Variants in PNPLA1 observed in about 807,000 individuals in gnomAD.
The protein encoded by PNPLA1 is omega-hydroxyceramide transacylase.
Under a neutral mutation model 51.7 loss-of-function variants are expected in PNPLA1, and 36 were observed. The ratio of observed to expected loss-of-function variants is 0.70; its 90% CI spans 0.53 to 0.92. The LOEUF (loss-of-function observed/expected upper bound fraction) is 0.92. Among genes scored for constraint, PNPLA1 ranks in the 40% least tolerant of loss-of-function variants. The pLI is 0.00. For missense variants in PNPLA1, 658 were observed against 682.5 expected (o/e 0.96, Z 0.40); for synonymous variants, 293 against 280.1 (o/e 1.05, Z -0.46).
chr6:36,249,797 C>T (rs1045997026), intron 1 of PNPLA1, among the ~76,000 whole-genome samples: 3 of 152,190 alleles, frequency 2.0e-5, no homozygotes, highest in African/African-American at 7.2e-5. Flanking sequence ...TGCTTAACTA[C>T]TCTGAGATCC....
At chr6:36,310,344 G>A (rs1045677807) in intron 8 of PNPLA1, among the ~76,000 whole-genome samples, 1 of 152,150 alleles carries the variant, frequency 6.6e-6, no homozygotes, top group African/African-American at 2.4e-5. Context: ...TCCAGTAAGG[G>A]TTCCGTGGTC....
intron 1 of PNPLA1, among the ~76,000 whole-genome samples, chr6:36,282,151 G>GAA: frequency 7.7e-6 from 1 of 129,252 alleles, no homozygotes; most frequent in African/African-American, 2.9e-5. Context: ...GAGAGACAGA[G>GAA]AGAGAGAGAA....
chr6:36,272,962 T>C (rs1769966735), intron 1 of PNPLA1, among the ~76,000 whole-genome samples: 1 of 152,038 alleles, frequency 6.6e-6, no homozygotes, highest in South Asian at 2.1e-4. Flanking sequence ...AGAGTAAAAG[T>C]AGAAAATAGA....
intron 6 of PNPLA1, among the ~76,000 whole-genome samples, chr6:36,302,810 C>G (rs1771109062): frequency 6.6e-6 from 1 of 152,136 alleles, no homozygotes. Flanking sequence ...TTTTTACAAG[C>G]CCTCCAGGTG....
upstream of PNPLA1, among the ~76,000 whole-genome samples, chr6:36,269,068 C>T (rs1769832170): frequency 1.3e-5 from 2 of 152,244 alleles, no homozygotes; most frequent in Non-Finnish European, 2.9e-5. Flanking sequence ...AGACAGAAAA[C>T]TCCCTCCTAA....
chr6:36,247,921 C>CTA (rs1244644069), intron 1 of PNPLA1, among the ~76,000 whole-genome samples: 1 of 152,136 alleles, frequency 6.6e-6, no homozygotes, highest in East Asian at 1.9e-4. Flanking sequence ...CAGGAATGAC[C>CTA]TAACCACTTA....
chr6:36,295,508 T>C, intron 5 of PNPLA1, 84 bp downstream of exon 5: 1 of 1,411,486 alleles, frequency 7.1e-7, no homozygotes, highest in South Asian at 1.2e-5. Context: ...TGGAGGGGTA[T>C]TCCCCCCAGA....
rs192213100 is a variant in PNPLA1, at chr6:36,309,017, C to A, written c.1595+1305C>A. ...TTCAAGTCTTTGTTGGTCAGAAAAA[C>A]CTCTAATCATTCTGAGCAACATCCT... On this transcript the variant is annotated intron_variant, in intron 8 of 8. Coordinates refer to ENST00000636260, the MANE Select transcript of PNPLA1 (RefSeq NM_001374623.1). 4.9e-3 allele frequency among the ~76,000 whole-genome samples: 753 copies of A among 152,284 alleles called. 4 individuals are homozygous for A. The highest frequency in any genetic ancestry group is 7.7e-3 in the Non-Finnish European group (527 of 68,032).
chr6:36,275,740 T>C (rs1397004146), intron 1 of PNPLA1, among the ~76,000 whole-genome samples: 1 of 152,210 alleles, frequency 6.6e-6, no homozygotes, highest in Non-Finnish European at 1.5e-5. Flanking sequence ...GCCTCCATTA[T>C]GTTTGGCCCT....
In PNPLA1 at chr6:36,270,580, C is replaced by T. The variant is rs975722641; in HGVS notation, c.121C>T (p.Arg41Trp). Residue 41 changes from arginine (R) to tryptophan (W), a missense_variant, in exon 1 of 9, where the codon CGG becomes TGG. Arg to Trp is a moderately radical substitution (Grantham distance 101). Coordinates refer to ENST00000636260, the MANE Select transcript of PNPLA1 (RefSeq NM_001374623.1). ...AVDALRDLAP[R>W]MLETAHRFAG... is the part of the protein sequence containing the mutation. ...GGACGCCCTGCGGGACCTGGCCCCC[C>T]GGATGCTGGAAACAGCCCACCGCTT... 19 of 1,551,486 alleles carry T rather than the reference C, an allele frequency of 1.2e-5. No homozygotes were observed. The highest frequency in any genetic ancestry group is 4.1e-5 in the African/African-American group (3 of 73,056).
chr6:36,312,249 G>A lies in PNPLA1; in HGVS notation c.*363G>A, dbSNP rs1021291585. The A allele has an allele frequency of 6.6e-6, 1 of 152,090 alleles. No homozygotes were observed. The highest frequency in any genetic ancestry group is 2.4e-5 in the African/African-American group (1 of 41,402). The allele number at this position is 152,090 out of a possible 1,614,324, so 9.4% of individuals were successfully genotyped here. A position where few individuals can be genotyped will look rare whatever the true frequency, so the allele number is the denominator to read the frequency against. On this transcript the variant is annotated 3_prime_UTR_variant, in exon 9 of 9. Transcript: ENST00000636260. Reference sequence around the variant, plus strand: ...CTGCACAACTGTACTCAGCCATCCGGAGACCACTTCAGCCCCATCCCCTTC... The same window carrying A: ...CTGCACAACTGTACTCAGCCATCCGAAGACCACTTCAGCCCCATCCCCTTC...
intron 5 of PNPLA1, among the ~76,000 whole-genome samples, chr6:36,297,982 AC>A (rs1239929503): frequency 6.8e-6 from 1 of 147,830 alleles, no homozygotes; most frequent in Non-Finnish European, 1.5e-5. Context: ...ACCTTCCCTC[AC>A]CCCCCGCCAT....
intron 5 of PNPLA1, among the ~76,000 whole-genome samples, chr6:36,301,149 C>T (rs1387259286): frequency 9.2e-6 from 1 of 108,162 alleles, no homozygotes; most frequent in Non-Finnish European, 1.7e-5. Flanking sequence ...GAGACAGGTT[C>T]TCACTCTGTC....
chr6:36,276,537 G>A (rs1004524923), intron 1 of PNPLA1, among the ~76,000 whole-genome samples: 4 of 152,134 alleles, frequency 2.6e-5, no homozygotes, highest in Non-Finnish European at 5.9e-5. Context: ...TGCCACTGGG[G>A]GATCCAGAAT....
chr6:36,248,688 T>G (rs1769357410), intron 1 of PNPLA1, among the ~76,000 whole-genome samples: 1 of 152,112 alleles, frequency 6.6e-6, no homozygotes, highest in Non-Finnish European at 1.5e-5. Flanking sequence ...CCAGCTAATT[T>G]TTGTACTTTT....
chr6:36,302,552 G>C (rs574510191), intron 6 of PNPLA1, 83 bp downstream of exon 6: 12 of 1,487,366 alleles, frequency 8.1e-6, no homozygotes, highest in Non-Finnish European at 9.8e-6. Context: ...GCTGATAACC[G>C]CTTCTTTAGG....
At chr6:36,311,261 G>A (rs1228794731) in intron 8 of PNPLA1, among the ~76,000 whole-genome samples, 3 of 152,230 alleles carry the variant, frequency 2.0e-5, no homozygotes, top group Non-Finnish European at 1.5e-5. Flanking sequence ...GGGATCTCAG[G>A]GAACCTGGTG....
intron 6 of PNPLA1, among the ~76,000 whole-genome samples, chr6:36,303,788 T>C (rs1236938727): frequency 6.6e-6 from 1 of 152,200 alleles, no homozygotes; most frequent in Admixed American, 6.5e-5. Flanking sequence ...GCCAAGATTG[T>C]GCCATTGCAC....
Position 36,302,057 on chromosome 6 carries a change from T to C in PNPLA1, c.972T>C (p.His324=). ...WVPKGDGRGS[H]GPPVSQPVQT... is the part of the protein sequence containing the mutation. ...CCAAAGGGGATGGAAGGGGCAGCCA[T>C]GGTCCGCCTGTGTCCCAACCTGTGC... The change falls in exon 6 of 9, where the codon CAT becomes CAC. Residue 324 remains histidine, a synonymous_variant. Coordinates refer to ENST00000636260, the MANE Select transcript of PNPLA1 (RefSeq NM_001374623.1). The C allele has an allele frequency of 6.2e-7, 1 of 1,614,224 alleles. No individual in the cohort carries two copies. The highest frequency in any genetic ancestry group is 8.5e-7 in the Non-Finnish European group (1 of 1,180,044).
Sources: allele counts gnomAD v4.1 joint callset (sites outside exome capture counted in the v4.1 genomes callset), GRCh38; gene constraint gnomAD v4.1.1; transcripts MANE v1.5; gene names NCBI Gene and HGNC (gene_info 2026-07-23, HGNC 2026-07-21).